TRIM39: variants seen among roughly 807,000 people sequenced by gnomAD.
TRIM39 encodes the protein tripartite motif containing 39.
TRIM39 carries 5 observed loss-of-function variants against 53.6 expected under a neutral mutation model. The ratio of observed to expected loss-of-function variants is 0.09; its 90% CI spans 0.05 to 0.20. The LOEUF is 0.20. Among genes scored for constraint, TRIM39 ranks in the 10% least tolerant of loss-of-function variants. TRIM39 has a pLI of 1.00. For synonymous variants in TRIM39, 196 were observed against 237.6 expected (o/e 0.82, Z 1.61); for missense variants, 310 against 621.0 (o/e 0.50, Z 5.32).
chr6:30,341,431 G>T (rs1787531119), intron 7 of TRIM39: 1 of 689,836 alleles, frequency 1.4e-6, no homozygotes, highest in Non-Finnish European at 2.7e-6. Flanking sequence ...AAATGATAAT[G>T]TCAGAGGGAG....
intron 5 of TRIM39, 85 bp downstream of exon 5, chr6:30,336,060 ATTC>A (rs757225531): frequency 1.3e-6 from 2 of 1,550,672 alleles, no homozygotes; most frequent in Non-Finnish European, 1.8e-6. Flanking sequence ...TGGGATACTC[ATTC>A]TTCTGCTCTC....
intron 4 of TRIM39, among the ~76,000 whole-genome samples, chr6:30,333,933 C>T (rs570034747): frequency 3.3e-5 from 5 of 152,318 alleles, no homozygotes; most frequent in Non-Finnish European, 5.9e-5. Flanking sequence ...TCCTATTTAT[C>T]ACAGTCATGA....
In TRIM39 at chr6:30,330,767, T is replaced by A; in HGVS notation, c.454-14T>A. 6.2e-7 allele frequency: 1 copy of A among 1,613,862 alleles called. No homozygotes were observed. The highest frequency in any genetic ancestry group is 8.5e-7 in the Non-Finnish European group (1 of 1,179,868). On this transcript the variant is annotated splice_polypyrimidine_tract_variant and intron_variant, in intron 3 of 7. Coordinates refer to ENST00000396551, the Ensembl canonical transcript of TRIM39. ...CCCAAATGTCACCTCTCCCACTTCC[T>A]CCCTACCCCTCAGGAAAAACTGCAG...
In TRIM39 at chr6:30,342,377, G is replaced by A. The variant is rs1787646526; in HGVS notation, c.*118G>A. 1 of 1,091,398 alleles carries A rather than the reference G, an allele frequency of 9.2e-7. No individual in the cohort carries two copies. The allele number at this position is 1,091,398 out of a possible 1,614,324, so 67.6% of individuals were successfully genotyped here. A position where few individuals can be genotyped will look rare whatever the true frequency, so the allele number is the denominator to read the frequency against. The stretch of plus-strand genomic sequence containing the variant: ...GGGTCCAGTCCTGAATCATCTTGGA[G>A]AAACACCTTGGTTTCTAGGATGGTT... On this transcript the variant is annotated 3_prime_UTR_variant, in exon 8 of 8. Transcript: ENST00000396551. This position sits in a 1 kb window ranked among gnomAD's most constrained non-coding sequence, Gnocchi z 4.7.
exon 3 of TRIM39, chr6:30,329,339 G>A (rs759949224): frequency 1.2e-6 from 2 of 1,612,638 alleles, no homozygotes; most frequent in South Asian, 2.2e-5. Flanking sequence ...AAGTCTGTTA[G>A]AGGCTGGGGC....
intron 4 of TRIM39, among the ~76,000 whole-genome samples, chr6:30,333,706 T>C (rs962907565): frequency 1.1e-4 from 16 of 152,128 alleles, no homozygotes; most frequent in Non-Finnish European, 1.5e-4. Context: ...TTAGAAAATG[T>C]TGCAGGTCAG....
chr6:30,336,779 T>C (rs1451687514), intron 5 of TRIM39, among the ~76,000 whole-genome samples: 1 of 152,226 alleles, frequency 6.6e-6, no homozygotes, highest in Non-Finnish European at 1.5e-5. Context: ...AATATTGATA[T>C]TTTGGCTTCC....
At chr6:30,330,731 T>C in intron 3 of TRIM39, 50 bp from the exon 4 acceptor site, 2 of 1,593,662 alleles carry the variant, frequency 1.3e-6, no homozygotes, top group Non-Finnish European at 8.6e-7. Flanking sequence ...ATGGTAGGTA[T>C]ACCAGTCAAC....
intron 7 of TRIM39, 24 bp downstream of exon 7, chr6:30,340,644 T>C (rs1312609359): frequency 1.2e-6 from 2 of 1,602,656 alleles, no homozygotes; most frequent in African/African-American, 2.7e-5. Flanking sequence ...AAAAGGAAAC[T>C]AGAAGAAACC....
exon 8 of TRIM39, chr6:30,343,634 TCTC>T (rs1349200637): frequency 6.6e-6 from 1 of 152,644 alleles, no homozygotes; most frequent in African/African-American, 2.4e-5. Context: ...TTGTCCAGAC[TCTC>T]CTCCTCTTAC....
chr6:30,340,246 C>T (rs1339524466), intron 6 of TRIM39: 1 of 1,594,276 alleles, frequency 6.3e-7, no homozygotes, highest in Admixed American at 1.7e-5. Flanking sequence ...GCAGGGAGGG[C>T]AATCATCCAT....
chr6:30,334,576 A>T (rs1209000415), intron 4 of TRIM39, among the ~76,000 whole-genome samples: 1 of 152,234 alleles, frequency 6.6e-6, no homozygotes, highest in Non-Finnish European at 1.5e-5. Flanking sequence ...TCAGCCCTGA[A>T]ATCTACATAT....
At chr6:30,332,229 C>T (rs1786268603) in intron 4 of TRIM39, among the ~76,000 whole-genome samples, 1 of 152,166 alleles carries the variant, frequency 6.6e-6, no homozygotes, top group African/African-American at 2.4e-5. Flanking sequence ...CTGGTTTAGG[C>T]CAAACCCGGT....
In TRIM39 at chr6:30,337,261, T is replaced by A. The variant is rs530139827; in HGVS notation, c.780+1286T>A. On this transcript the variant is annotated intron_variant, in intron 5 of 7. Coordinates refer to ENST00000396551, the Ensembl canonical transcript of TRIM39. ...CTACTAAAAATACAAAAAAATTAGC[T>A]GGGCATGGTGGTGGGCGCCTGTAAT... Among the ~76,000 whole-genome samples, 73 of 152,152 alleles carry A rather than the reference T, an allele frequency of 4.8e-4. 1 individual carries two copies. Among genetic ancestry groups the A allele is most frequent in the Non-Finnish European group, 9.9e-4 (67 of 68,002 alleles).
At chr6:30,329,766 A>G (rs749654746) in exon 3 of TRIM39, 1 of 1,610,554 alleles carries the variant, frequency 6.2e-7, no homozygotes, top group Non-Finnish European at 8.5e-7. Flanking sequence ...ACACAGGAGT[A>G]CAAGGTGGGG....
In TRIM39 at chr6:30,342,325, C is replaced by G. The variant is rs1787638400; in HGVS notation, c.*66C>G. 2 of 1,531,984 alleles carry G rather than the reference C, an allele frequency of 1.3e-6. No homozygotes were observed. The highest frequency in any genetic ancestry group is 2.4e-5 in the South Asian group (2 of 83,144). 94.9% of individuals were successfully genotyped at this position (1,531,984 alleles called of 1,614,324 possible). A position where few individuals can be genotyped will look rare whatever the true frequency, so the allele number is the denominator to read the frequency against. On this transcript the variant is annotated 3_prime_UTR_variant, in exon 8 of 8. Transcript: ENST00000396551. The surrounding 1 kb of genome is among the most constrained non-coding windows in gnomAD (Gnocchi z 4.7). ...AGTGCTACGGGCCTCCTTCCCGTGT[C>G]CTGCTGGAACGTCTTCGTGTCCACC...
Position 30,339,974 on chromosome 6 carries a change from TAG to T in TRIM39, c.803+49_803+50del. 1 of 1,613,920 alleles carries T rather than the reference TAG, an allele frequency of 6.2e-7. No homozygotes were observed. On this transcript the variant is annotated intron_variant, in intron 6 of 7. Coordinates refer to ENST00000396551, the Ensembl canonical transcript of TRIM39. The surrounding 1 kb of genome is among the most constrained non-coding windows in gnomAD (Gnocchi z 4.2). ...TCTCTGAGTGAGTTAGGTCTTGGCT[TAG>T]AGAGGAGGGGTACAGTCAGGAGTTT...
exon 8 of TRIM39, chr6:30,341,812 T>G (rs1206498531): frequency 2.5e-6 from 4 of 1,613,060 alleles, no homozygotes; most frequent in Middle Eastern, 1.6e-4. Flanking sequence ...GGGATCTCCC[T>G]GACACACCAA....
intron 4 of TRIM39, among the ~76,000 whole-genome samples, chr6:30,332,349 A>G (rs1382583213): frequency 2.0e-5 from 3 of 152,272 alleles, no homozygotes; most frequent in African/African-American, 7.2e-5. Context: ...CTGCAAGTTC[A>G]TAAGAAGACA....
Sources: allele counts gnomAD v4.1 joint callset (sites outside exome capture counted in the v4.1 genomes callset), GRCh38; gene constraint gnomAD v4.1.1; non-coding constraint Gnocchi (gnomAD v3.1); transcripts MANE v1.5; gene names NCBI Gene and HGNC (gene_info 2026-07-23, HGNC 2026-07-21).